Variants in PPARGC1A observed in about 807,000 individuals in gnomAD.
PPARGC1A encodes the protein PPARG coactivator 1 alpha.
PPARGC1A carries 25 observed loss-of-function variants against 88.7 expected under a neutral mutation model. The ratio of observed to expected loss-of-function variants is 0.28; its 90% CI spans 0.21 to 0.39. PPARGC1A has a LOEUF of 0.39. Ranked by LOEUF, PPARGC1A falls within the 10% of genes least tolerant of loss-of-function variation. The probability of loss-of-function intolerance (pLI) is 1.00; values close to 1 mark genes in which losing one functional copy is unlikely to be tolerated. For missense variants in PPARGC1A, 880 were observed against 968.7 expected, an observed-to-expected ratio of 0.91 and a Z score of 1.22; for synonymous variants, 363 against 355.6, an observed-to-expected ratio of 1.02 and a Z score of -0.24.
the PPARGC1A span, among the ~76,000 whole-genome samples, chr4:23,944,276 G>A: frequency 6.6e-6 from 1 of 152,142 alleles, no homozygotes; most frequent in South Asian, 2.1e-4. Context: ...TTGAAAGAAT[G>A]CAGTCATGCA....
the PPARGC1A span, among the ~76,000 whole-genome samples, chr4:24,089,621 G>T: frequency 1.3e-5 from 2 of 149,546 alleles, no homozygotes; most frequent in Non-Finnish European, 3.0e-5. Flanking sequence ...CGCCATTCTC[G>T]TGTCTCAGCC....
chr4:24,318,827 C>CA, the PPARGC1A span, among the ~76,000 whole-genome samples: 1 of 152,070 alleles, frequency 6.6e-6, no homozygotes, highest in African/African-American at 2.4e-5. Flanking sequence ...ATTTTACAAA[C>CA]AAAAAACAGA....
the PPARGC1A span, among the ~76,000 whole-genome samples, chr4:24,285,410 A>AGGGT: frequency 6.6e-6 from 1 of 152,116 alleles, no homozygotes; most frequent in Non-Finnish European, 1.5e-5. Flanking sequence ...GAGGAATGAG[A>AGGGT]GGGTGAAAGG....
the PPARGC1A span, among the ~76,000 whole-genome samples, chr4:24,175,182 G>A: frequency 1.3e-5 from 2 of 152,050 alleles, no homozygotes; most frequent in South Asian, 2.1e-4. Context: ...ACCCCAAGGA[G>A]CTATTCTAGT....
At chr4:24,082,846 G>C in the PPARGC1A span, among the ~76,000 whole-genome samples, 1 of 152,128 alleles carries the variant, frequency 6.6e-6, no homozygotes. Context: ...AATCAGCCAT[G>C]AATGTGGGAT....
At chr4:23,898,251 T>C (rs1317581017) in intron 1 of PPARGC1A, among the ~76,000 whole-genome samples, 1 of 152,186 alleles carries the variant, frequency 6.6e-6, no homozygotes. Flanking sequence ...ATAACAGTAT[T>C]AGCAAATGTA....
the PPARGC1A span, among the ~76,000 whole-genome samples, chr4:24,076,427 A>C: frequency 6.6e-6 from 1 of 152,196 alleles, no homozygotes. Context: ...TCTTAGAATG[A>C]AAGTCACATA....
At chr4:24,339,233 T>TATATACAC in the PPARGC1A span, among the ~76,000 whole-genome samples, 2 of 119,260 alleles carry the variant, frequency 1.7e-5, no homozygotes, top group Non-Finnish European at 3.4e-5. Context: ...TATATATATA[T>TATATACAC]ATATACACAC....
the PPARGC1A span, among the ~76,000 whole-genome samples, chr4:24,398,178 T>G: frequency 7.9e-5 from 12 of 152,198 alleles, no homozygotes; most frequent in Admixed American, 7.9e-4. Flanking sequence ...TGGGAAATGA[T>G]TATTATATAG....
At chr4:24,158,445 T>A in the PPARGC1A span, among the ~76,000 whole-genome samples, 1 of 152,226 alleles carries the variant, frequency 6.6e-6, no homozygotes, top group South Asian at 2.1e-4. Flanking sequence ...TATGTCATGC[T>A]CTCCGTTAGT....
the PPARGC1A span, among the ~76,000 whole-genome samples, chr4:24,457,601 A>G: frequency 6.6e-6 from 1 of 152,178 alleles, no homozygotes; most frequent in South Asian, 2.1e-4. Flanking sequence ...GCTAGAGTGC[A>G]GTGGCGCAAA....
chr4:23,927,625 G>A, the PPARGC1A span, among the ~76,000 whole-genome samples: 3 of 152,154 alleles, frequency 2.0e-5, no homozygotes, highest in Admixed American at 2.0e-4. Context: ...TGCTTTGTAT[G>A]TCTGACTTAA....
At chr4:24,439,464 T>C in the PPARGC1A span, among the ~76,000 whole-genome samples, 1 of 152,162 alleles carries the variant, frequency 6.6e-6, no homozygotes, top group African/African-American at 2.4e-5. Context: ...CTTGCTATAA[T>C]TTTTTTCCTG....
chr4:23,871,803 C>T (rs922568179), intron 2 of PPARGC1A, among the ~76,000 whole-genome samples: 12 of 152,146 alleles, frequency 7.9e-5, no homozygotes, highest in Admixed American at 6.5e-4. Context: ...CACTTTTCCC[C>T]TATACAAGAG....
chr4:24,470,277 G>GACACACACACACACACACACACAC, the PPARGC1A span, among the ~76,000 whole-genome samples: 244 of 110,704 alleles, frequency 2.2e-3, 4 homozygotes, highest in South Asian at 5.5e-3. The surrounding 1 kb of genome is among the most constrained non-coding windows in gnomAD (Gnocchi z 5.8). Flanking sequence ...GACAGACACA[G>GACACACACACACACACACACACAC]ACACACACAC....
chr4:24,273,628 A>C, the PPARGC1A span, among the ~76,000 whole-genome samples: 1 of 152,266 alleles, frequency 6.6e-6, no homozygotes, highest in Admixed American at 6.5e-5. Flanking sequence ...TTAGAGACAA[A>C]AACAACCAGG....
chr4:24,341,125 G>A, the PPARGC1A span, among the ~76,000 whole-genome samples: 5 of 151,606 alleles, frequency 3.3e-5, no homozygotes, highest in Non-Finnish European at 7.4e-5. Flanking sequence ...CTAATCCTAC[G>A]GGAAGGAAAA....
At chr4:24,162,684 C>T in the PPARGC1A span, among the ~76,000 whole-genome samples, 1 of 151,658 alleles carries the variant, frequency 6.6e-6, no homozygotes, top group Non-Finnish European at 1.5e-5. Flanking sequence ...CTCTGCCTCC[C>T]AGGTTCAAGC....
At chr4:23,946,591 A>T in the PPARGC1A span, among the ~76,000 whole-genome samples, 1 of 152,148 alleles carries the variant, frequency 6.6e-6, no homozygotes, top group African/African-American at 2.4e-5. Context: ...GAATAATATT[A>T]GTAGGAAGAA....
Sources: gnomAD v4.1 joint callset for allele counts (sites outside exome capture counted in the v4.1 genomes callset) on GRCh38, gnomAD v4.1.1 for gene constraint, Gnocchi (gnomAD v3.1) non-coding constraint, MANE v1.5 for transcripts, NCBI Gene and HGNC (gene_info 2026-07-23, HGNC 2026-07-21) for gene names.